The following SLC44A1 variants were observed in gnomAD, a reference collection of about 807,000 sequenced individuals.
SLC44A1 encodes choline transporter-like protein 1.
In SLC44A1, 26 loss-of-function variants were observed where a neutral mutation model predicts 79.3. The observed-to-expected ratio is 0.33, with a 90% CI of 0.24 to 0.46. The LOEUF is 0.46. SLC44A1 is among the 20% of genes least tolerant of loss of function. SLC44A1 has a pLI of 1.00. For synonymous variants in SLC44A1, 263 were observed against 286.2 expected (o/e 0.92, Z 0.82); for missense variants, 688 against 798.1 (o/e 0.86, Z 1.66).
Position 105,390,771 on chromosome 9 carries a change from G to A in SLC44A1, c.*1715G>A. The A allele has an allele frequency of 1.0e-6, 1 of 985,144 alleles. No homozygotes were observed. Among genetic ancestry groups the A allele is most frequent in the Non-Finnish European group, 1.2e-6 (1 of 829,564 alleles). The allele number at this position is 985,144 out of a possible 1,614,324, so 61.0% of individuals were successfully genotyped here. On this transcript the variant is annotated 3_prime_UTR_variant, in exon 16 of 16. Coordinates refer to ENST00000374720, the MANE Select transcript of SLC44A1 (RefSeq NM_080546.5). ...TTCAGAATATTTGCAATAAGAGTCTGGATTTTAAAAAACACATGCATACAC... is the reference window on the plus strand; with the variant it reads ...TTCAGAATATTTGCAATAAGAGTCTAGATTTTAAAAAACACATGCATACAC...
intron 13 of SLC44A1, among the ~76,000 whole-genome samples, chr9:105,381,741 G>A (rs886709241): frequency 1.3e-5 from 2 of 152,034 alleles, no homozygotes; most frequent in South Asian, 4.1e-4. Context: ...CCAAAGCTTG[G>A]GCAGACCCAG....
At chr9:105,342,486 T>C (rs1030112352) in intron 4 of SLC44A1, among the ~76,000 whole-genome samples, 2 of 152,116 alleles carry the variant, frequency 1.3e-5, no homozygotes, top group African/African-American at 4.8e-5. Flanking sequence ...ACTATGTACA[T>C]TGTAGTGGGA....
At chr9:105,418,073 T>G (rs1319103960) in intron 15 of SLC44A1, among the ~76,000 whole-genome samples, 1 of 151,718 alleles carries the variant, frequency 6.6e-6, no homozygotes, top group African/African-American at 2.4e-5. Flanking sequence ...CCCAGTACTC[T>G]GGGAGGCCGA....
At chr9:105,430,481 T>C (rs183312089) in intron 15 of SLC44A1, among the ~76,000 whole-genome samples, 217 of 152,314 alleles carry the variant, frequency 1.4e-3, no homozygotes, top group Non-Finnish European at 2.5e-3. Context: ...TTTATTTTGC[T>C]GTGGATTTGC....
Position 105,362,818 on chromosome 9 carries a change from C to T in SLC44A1, c.901-3C>T. On this transcript the variant is annotated splice_polypyrimidine_tract_variant and splice_region_variant and intron_variant, in intron 8 of 15. Coordinates refer to ENST00000374720, the MANE Select transcript of SLC44A1 (RefSeq NM_080546.5). ...AATAACTGAAACCATTCTCTCCATA[C>T]AGGTGATCTTATTCCTGATAATGTT... 1 of 1,584,802 alleles carries T rather than the reference C, an allele frequency of 6.3e-7. No homozygotes were observed. Among genetic ancestry groups the T allele is most frequent in the Non-Finnish European group, 8.6e-7 (1 of 1,167,136 alleles).
At chr9:105,318,673 T>C (rs1826282267) in intron 3 of SLC44A1, among the ~76,000 whole-genome samples, 1 of 152,090 alleles carries the variant, frequency 6.6e-6, no homozygotes. Context: ...TTTCTGCCTT[T>C]AGGATAATAC....
At chr9:105,387,632 C>T (rs1010406595) in intron 15 of SLC44A1, among the ~76,000 whole-genome samples, 2 of 152,154 alleles carry the variant, frequency 1.3e-5, no homozygotes, top group African/African-American at 2.4e-5. Flanking sequence ...CCAAGCTTTT[C>T]CCCCTTTTCT....
intron 15 of SLC44A1, among the ~76,000 whole-genome samples, chr9:105,387,163 A>C (rs1459531907): frequency 6.7e-6 from 1 of 149,752 alleles, no homozygotes; most frequent in African/African-American, 2.5e-5. Flanking sequence ...ATTCAAACTA[A>C]TCGCATATTC....
intron 1 of SLC44A1, among the ~76,000 whole-genome samples, chr9:105,254,656 C>T (rs1172895596): frequency 6.6e-6 from 1 of 152,204 alleles, no homozygotes; most frequent in East Asian, 1.9e-4. Flanking sequence ...AGTTAGTTAT[C>T]TTCTTGTCCT....
chr9:105,411,262 A>G (rs980256162), intron 15 of SLC44A1, among the ~76,000 whole-genome samples: 7 of 152,188 alleles, frequency 4.6e-5, no homozygotes, highest in African/African-American at 1.4e-4. Flanking sequence ...ATTTTTATAT[A>G]TACCCTTCAT....
chr9:105,402,529 A>G (rs1382460329), intron 15 of SLC44A1, among the ~76,000 whole-genome samples: 1 of 152,226 alleles, frequency 6.6e-6, no homozygotes, highest in Non-Finnish European at 1.5e-5. Flanking sequence ...TAACTGTTGT[A>G]AAATCTCTGT....
At chr9:105,292,356 A>C (rs1165366198) in intron 1 of SLC44A1, among the ~76,000 whole-genome samples, 1 of 152,232 alleles carries the variant, frequency 6.6e-6, no homozygotes, top group Non-Finnish European at 1.5e-5. Context: ...AAACAAAGGA[A>C]GATATTTTTC....
At chr9:105,258,872 G>T (rs1023659274) in intron 1 of SLC44A1, among the ~76,000 whole-genome samples, 16 of 140,072 alleles carry the variant, frequency 1.1e-4, no homozygotes, top group African/African-American at 2.6e-4. Context: ...TTTTGTTTTT[G>T]TTTTTTTTTT....
rs550646904 is a variant in SLC44A1, at chr9:105,403,585, G to GCC, written c.1950+18084_1950+18085insCC. On this transcript the variant is annotated intron_variant, in intron 15 of 15. Transcript: ENST00000374724. ...TACCAGAATAAGAGACCCAGCCTCT[G>GCC]CTCTCTGAAAACTCACACCATATTT... Among the ~76,000 whole-genome samples the GCC allele has an allele frequency of 8.7e-4, 131 of 150,152 alleles. 1 individual carries two copies. The Middle Eastern group carries it at 0.014, about 16-fold the overall frequency.
intron 3 of SLC44A1, among the ~76,000 whole-genome samples, chr9:105,329,223 A>T (rs1003968363): frequency 2.6e-5 from 4 of 152,222 alleles, no homozygotes; most frequent in Non-Finnish European, 5.9e-5. Context: ...ATATGAGGTA[A>T]TAATTGGGAA....
intron 1 of SLC44A1, among the ~76,000 whole-genome samples, chr9:105,295,429 G>A (rs1178345604): frequency 2.0e-5 from 3 of 152,228 alleles, no homozygotes; most frequent in African/African-American, 4.8e-5. Context: ...TTTAAAAAGT[G>A]CTGTTGCAAA....
At chr9:105,406,135 T>G (rs1045127470) in intron 15 of SLC44A1, among the ~76,000 whole-genome samples, 4 of 152,096 alleles carry the variant, frequency 2.6e-5, no homozygotes, top group Admixed American at 1.3e-4. Flanking sequence ...CTCTTTTTTT[T>G]TGTGGCTCCA....
chr9:105,280,424 A>G (rs59464369), intron 1 of SLC44A1, among the ~76,000 whole-genome samples: 29 of 152,350 alleles, frequency 1.9e-4, no homozygotes, highest in African/African-American at 6.5e-4. Context: ...GAAGTACTCA[A>G]AAAGATGTTA....
rs1588867419 is a variant in SLC44A1, at chr9:105,396,615, T to G, written c.*7559T>G. 10 of 985,450 alleles carry G rather than the reference T, an allele frequency of 1.0e-5. No homozygotes were observed. The highest frequency in any genetic ancestry group is 1.2e-5 in the Non-Finnish European group (10 of 829,946). 61.0% of individuals were successfully genotyped at this position (985,450 alleles called of 1,614,324 possible). ...GCCCAGCCCAGCATATGGGGTGATA[T>G]GAGCAGAAAACACACATCGGTGTGT... On this transcript the variant is annotated 3_prime_UTR_variant, in exon 16 of 16. Transcript: ENST00000374720.
Sources: allele counts gnomAD v4.1 joint callset (sites outside exome capture counted in the v4.1 genomes callset), GRCh38; gene constraint gnomAD v4.1.1; transcripts MANE v1.5; gene names NCBI Gene and HGNC (gene_info 2026-07-23, HGNC 2026-07-21).